PTK7: variants seen among roughly 807,000 people sequenced by gnomAD.
The protein encoded by PTK7 is protein tyrosine kinase 7 (inactive), also known as inactive tyrosine-protein kinase 7.
In PTK7, 39 loss-of-function variants were observed where a neutral mutation model predicts 116.6. That is an observed-to-expected ratio of 0.33 (90% CI 0.26 to 0.44). The LOEUF (loss-of-function observed/expected upper bound fraction) is 0.44, where lower values mean the gene tolerates loss of function less well. PTK7 is among the 20% of genes least tolerant of loss of function. The pLI is 1.00. For synonymous variants in PTK7, 546 were observed against 563.6 expected, an observed-to-expected ratio of 0.97 and a Z score of 0.44; for missense variants, 1,169 against 1,425.6, an observed-to-expected ratio of 0.82 and a Z score of 2.90.
chr6:43,095,348 G>A (rs1767189663), intron 1 of PTK7, among the ~76,000 whole-genome samples: 1 of 152,102 alleles, frequency 6.6e-6, no homozygotes, highest in African/African-American at 2.4e-5. Context: ...CTCCAGCCTG[G>A]GCAACAAGAA....
Position 43,097,102 on chromosome 6 carries a change from C to T in PTK7, c.79+20535C>T, listed in dbSNP as rs567304786. Reference sequence around the variant, plus strand: ...GACTGCCCTGGCCAAAGAAAACACACACTTACAATTCATTATTTAGCCTCC... The same window carrying T: ...GACTGCCCTGGCCAAAGAAAACACATACTTACAATTCATTATTTAGCCTCC... On this transcript the variant is annotated intron_variant, in intron 1 of 19. Coordinates refer to ENST00000230419, the MANE Select transcript of PTK7 (RefSeq NM_002821.5). Among the ~76,000 whole-genome samples, 24 of 152,360 alleles carry T rather than the reference C, an allele frequency of 1.6e-4. No homozygotes were observed. The East Asian group carries it at 4.2e-3, about 27-fold the overall frequency.
intron 1 of PTK7, among the ~76,000 whole-genome samples, chr6:43,085,790 G>A (rs1416882654): frequency 2.6e-5 from 4 of 151,768 alleles, no homozygotes; most frequent in Admixed American, 6.6e-5. Context: ...AAAATTAGCC[G>A]GGTGTGGTGG....
intron 1 of PTK7, among the ~76,000 whole-genome samples, chr6:43,098,066 C>T (rs926949710): frequency 3.3e-5 from 5 of 152,266 alleles, no homozygotes; most frequent in South Asian, 2.1e-4. Flanking sequence ...ATATCCGCCT[C>T]ATGGGTTACG....
rs182183145 is a variant in PTK7 at position 43,155,181 on chromosome 6, G to T, written c.2722-3636G>T. Among the ~76,000 whole-genome samples the T allele has an allele frequency of 1.3e-4, 20 of 152,176 alleles. No individual in the cohort carries two copies. The East Asian group carries it at 3.7e-3, about 28-fold the overall frequency. On this transcript the variant is annotated intron_variant, in intron 17 of 19. Coordinates refer to ENST00000230419, the MANE Select transcript of PTK7 (RefSeq NM_002821.5). ...CATCCACTGTATATGGCACGTGGTAGATACTCAAATTTTTTTTTTTTTAAA... is the reference window on the plus strand; with the variant it reads ...CATCCACTGTATATGGCACGTGGTATATACTCAAATTTTTTTTTTTTTAAA...
intron 17 of PTK7, among the ~76,000 whole-genome samples, chr6:43,147,775 C>T (rs542981962): frequency 7.9e-5 from 12 of 152,212 alleles, no homozygotes; most frequent in Non-Finnish European, 1.2e-4. Context: ...GTGACCTGGC[C>T]ACCTGACACC....
chr6:43,127,921 T>C (rs1350411007), intron 1 of PTK7, among the ~76,000 whole-genome samples: 2 of 150,058 alleles, frequency 1.3e-5, no homozygotes, highest in Non-Finnish European at 3.0e-5. Context: ...AGATCGAGAC[T>C]CCGTCTCAAA....
Position 43,132,062 on chromosome 6 carries a change from C to A in PTK7, c.859C>A (p.Leu287Met). The A allele has an allele frequency of 6.2e-7, 1 of 1,614,142 alleles. No homozygotes were observed. The change falls in exon 6 of 20, where the codon CTG (leucine) becomes ATG (methionine). Residue 287 changes from leucine (L) to methionine (M), a missense_variant. Physicochemically the swap from Leu to Met is conservative, Grantham distance 15. Coordinates refer to ENST00000230419, the MANE Select transcript of PTK7 (RefSeq NM_002821.5). Reference protein sequence around the residue: ...RATVFANGSLLLTQVRPRNAG... With the variant: ...RATVFANGSLMLTQVRPRNAG... ...CACAGTGTTTGCCAACGGGTCTCTG[C>A]TGCTGACCCAGGTCCGGCCACGCAA...
Position 43,129,904 on chromosome 6 carries a change from C to T in PTK7, c.470+75C>T, listed in dbSNP as rs1232794373. 5.1e-6 allele frequency: 7 copies of T among 1,365,630 alleles called. No homozygotes were observed. Among genetic ancestry groups the T allele is most frequent in the African/African-American group, 4.3e-5 (3 of 69,884 alleles). 84.6% of individuals were successfully genotyped at this position (1,365,630 alleles called of 1,614,324 possible). On this transcript the variant is annotated intron_variant, in intron 3 of 19. Coordinates refer to ENST00000230419, the MANE Select transcript of PTK7 (RefSeq NM_002821.5). This position sits in a 1 kb window ranked among gnomAD's most constrained non-coding sequence, Gnocchi z 4.5. Reference sequence around the variant, plus strand: ...GTCTCCCCAAATCTTGGACTCTATGCGGATGTTACCTCGCTCCATTCTGTG... The same window carrying T: ...GTCTCCCCAAATCTTGGACTCTATGTGGATGTTACCTCGCTCCATTCTGTG...
At chr6:43,082,468 G>A (rs1307023177) in intron 1 of PTK7, among the ~76,000 whole-genome samples, 1 of 152,120 alleles carries the variant, frequency 6.6e-6, no homozygotes, top group Non-Finnish European at 1.5e-5. Flanking sequence ...GAGCCACCGT[G>A]CCCTGCTGCA....
intron 17 of PTK7, among the ~76,000 whole-genome samples, chr6:43,158,597 G>GTCA (rs1771655032): frequency 6.6e-6 from 1 of 152,208 alleles, no homozygotes; most frequent in Admixed American, 6.5e-5. Flanking sequence ...TCAGCATGGT[G>GTCA]TCAGGCACTT....
rs550699160 is a variant in PTK7 at position 43,101,987 on chromosome 6, G to C, written c.79+25420G>C. ...GAGGCGGGCAGATCATCTGAGGTCA[G>C]GAGTTTGAGACCAGCCTGGCCAACA... On this transcript the variant is annotated intron_variant, in intron 1 of 19. Transcript: ENST00000230419. Among the ~76,000 whole-genome samples the C allele has an allele frequency of 1.2e-4, 19 of 152,158 alleles. No homozygotes were observed. The South Asian group carries it at 4.0e-3, about 32-fold the overall frequency.
intron 19 of PTK7, 72 bp from the exon 20 acceptor site, chr6:43,160,649 G>T: frequency 6.4e-7 from 1 of 1,567,880 alleles, no homozygotes; most frequent in Non-Finnish European, 8.7e-7. Flanking sequence ...TGTATAAACT[G>T]CAAGGTCCAC....
intron 1 of PTK7, among the ~76,000 whole-genome samples, chr6:43,124,820 G>A (rs754510236): frequency 4.7e-4 from 72 of 152,368 alleles, no homozygotes; most frequent in Middle Eastern, 3.4e-3. Context: ...CCTCATGGTT[G>A]AGGTGCGTAT....
chr6:43,160,049 C>T, intron 19 of PTK7, 83 bp downstream of exon 19: 2 of 1,433,426 alleles, frequency 1.4e-6, no homozygotes, highest in East Asian at 2.3e-5. Context: ...GTTCAGCCTA[C>T]CTCCCTCTCA....
intron 1 of PTK7, among the ~76,000 whole-genome samples, chr6:43,092,232 G>C (rs113387228): frequency 0.011 from 1,723 of 151,896 alleles, 27 homozygotes; most frequent in African/African-American, 0.039. Context: ...GGAATGCAGT[G>C]GTGCAATCAT....
chr6:43,094,140 A>G (rs755007649), intron 1 of PTK7, among the ~76,000 whole-genome samples: 1 of 152,214 alleles, frequency 6.6e-6, no homozygotes, highest in Non-Finnish European at 1.5e-5. Flanking sequence ...CAGACAGCCA[A>G]TTTCCCATCT....
At chr6:43,083,485 T>G (rs1766485515) in intron 1 of PTK7, among the ~76,000 whole-genome samples, 1 of 152,258 alleles carries the variant, frequency 6.6e-6, no homozygotes, top group African/African-American at 2.4e-5. Flanking sequence ...GGAGCTGGCC[T>G]GAGAGATGCC....
At chr6:43,088,526 C>T (rs1213394880) in intron 1 of PTK7, among the ~76,000 whole-genome samples, 1 of 150,904 alleles carries the variant, frequency 6.6e-6, no homozygotes, top group Admixed American at 6.6e-5. Context: ...AACCCAGTCT[C>T]CACTAAAAAC....
chr6:43,127,063 G>T (rs145597581), intron 1 of PTK7, among the ~76,000 whole-genome samples: 38 of 152,322 alleles, frequency 2.5e-4, no homozygotes, highest in African/African-American at 8.9e-4. Flanking sequence ...TTTATGAGGA[G>T]ACTGATTCTC....
Sources: allele counts gnomAD v4.1 joint callset (sites outside exome capture counted in the v4.1 genomes callset), GRCh38; gene constraint gnomAD v4.1.1; non-coding constraint Gnocchi (gnomAD v3.1); transcripts MANE v1.5; gene names NCBI Gene and HGNC (gene_info 2026-07-23, HGNC 2026-07-21).